The following FSTL4 variants were observed in gnomAD, a reference collection of about 807,000 sequenced individuals.
FSTL4 encodes follistatin-related protein 4.
A neutral mutation model predicts 78.2 loss-of-function variants in FSTL4; 28 were observed. That is an observed-to-expected ratio of 0.36 (90% confidence interval 0.27 to 0.49). FSTL4 has a LOEUF of 0.49. FSTL4 is among the 20% of genes least tolerant of loss of function. The pLI is 0.98. For synonymous variants in FSTL4, 422 were observed against 440.5 expected (o/e 0.96, Z 0.53); for missense variants, 922 against 1,084.9 (o/e 0.85, Z 2.11).
chr5:133,701,351 C>T, the FSTL4 span, among the ~76,000 whole-genome samples: 7 of 146,036 alleles, frequency 4.8e-5, no homozygotes, highest in Non-Finnish European at 8.9e-5. Flanking sequence ...TGCAGTGAGC[C>T]GAGATCACGC....
At chr5:133,494,271 T>C (rs1355437746) in intron 3 of FSTL4, among the ~76,000 whole-genome samples, 3 of 151,822 alleles carry the variant, frequency 2.0e-5, no homozygotes, top group Non-Finnish European at 2.9e-5. Context: ...GAGGACTTCA[T>C]GTGTGATGGT....
At chr5:133,533,916 G>GCTCCTCCTGCAGTGCTCCTCATCTACAT (rs1759303854) in intron 3 of FSTL4, among the ~76,000 whole-genome samples, 1 of 151,872 alleles carries the variant, frequency 6.6e-6, no homozygotes, top group Non-Finnish European at 1.5e-5. Context: ...CTGCTGCAGT[G>GCTCCTCCTGCAGTGCTCCTCATCTACAT]CTCCTCCTGC....
chr5:133,788,386 ATAG>A, the FSTL4 span, among the ~76,000 whole-genome samples: 1 of 152,236 alleles, frequency 6.6e-6, no homozygotes, highest in African/African-American at 2.4e-5. Context: ...GACCACTGTA[ATAG>A]TAGTACCTCC....
intron 6 of FSTL4, among the ~76,000 whole-genome samples, chr5:133,308,785 T>G (rs759239519): frequency 7.2e-5 from 11 of 152,152 alleles, no homozygotes; most frequent in Non-Finnish European, 1.3e-4. Flanking sequence ...AGCTTACACA[T>G]GTCAGAGGTG....
At chr5:133,411,908 A>T (rs537451273) in intron 3 of FSTL4, among the ~76,000 whole-genome samples, 2 of 152,192 alleles carry the variant, frequency 1.3e-5, no homozygotes, top group Admixed American at 6.5e-5. Flanking sequence ...TCCTCTCAAC[A>T]GTAGCAATAA....
At chr5:133,485,438 C>G (rs1220715965) in intron 3 of FSTL4, among the ~76,000 whole-genome samples, 1 of 152,184 alleles carries the variant, frequency 6.6e-6, no homozygotes, top group Non-Finnish European at 1.5e-5. Context: ...GTGTTGGCAA[C>G]AGCTGAATTT....
intron 2 of FSTL4, among the ~76,000 whole-genome samples, chr5:133,570,163 C>T (rs1314220750): frequency 1.3e-5 from 2 of 150,940 alleles, no homozygotes; most frequent in East Asian, 2.0e-4. Flanking sequence ...GAGCCGAGAT[C>T]GCGCCACTGC....
the FSTL4 span, among the ~76,000 whole-genome samples, chr5:133,840,798 C>T: frequency 1.3e-5 from 2 of 152,230 alleles, no homozygotes; most frequent in Admixed American, 6.5e-5. Flanking sequence ...ATAAATCACT[C>T]GCTTGTCAAT....
the FSTL4 span, among the ~76,000 whole-genome samples, chr5:133,687,228 G>T: frequency 6.6e-6 from 1 of 152,156 alleles, no homozygotes; most frequent in Non-Finnish European, 1.5e-5. Context: ...GGCATGGGTT[G>T]TATGGTAGGA....
chr5:133,800,163 G>T, the FSTL4 span, among the ~76,000 whole-genome samples: 1 of 138,900 alleles, frequency 7.2e-6, no homozygotes, highest in African/African-American at 2.6e-5. Context: ...TACAAAACAG[G>T]CTTATTTTGG....
Position 133,233,488 on chromosome 5 carries a change from T to A in FSTL4, c.944A>T (p.His315Leu). 11 of 1,614,232 alleles carry A rather than the reference T, an allele frequency of 6.8e-6. No individual in the cohort carries two copies. Among genetic ancestry groups the A allele is most frequent in the Non-Finnish European group, 9.3e-6 (11 of 1,180,016 alleles). ...SLYITKVTTIHMGNYTCHASG... is the reference protein window; with the variant it reads ...SLYITKVTTILMGNYTCHASG... The stretch of plus-strand genomic sequence containing the variant: ...AGCATGGCAGGTGTAATTGCCCATG[T>A]GGATGGTGGTCACCTTGGTGATGTA... The change falls in exon 8 of 16, where the codon CAC becomes CTC. Residue 315 changes from histidine to leucine, a missense_variant. Transcript: ENST00000265342.
In FSTL4 at chr5:133,449,464, C is replaced by T. The variant is rs535814172; in HGVS notation, c.161-48478G>A. Among the ~76,000 whole-genome samples, 20 of 152,306 alleles carry T rather than the reference C, an allele frequency of 1.3e-4. No homozygotes were observed. In the South Asian group the frequency reaches 2.9e-3, roughly 22 times the overall value. On this transcript the variant is annotated intron_variant, in intron 3 of 15. Transcript: ENST00000265342. ...AACCATGGCCAAATAGTCTAACACG[C>T]GCGGGCCTCTGAAAGGCAGGAGCTG...
chr5:133,583,213 C>T (rs797022731), intron 2 of FSTL4: 25 of 455,166 alleles, frequency 5.5e-5, no homozygotes, highest in Non-Finnish European at 9.7e-5. Flanking sequence ...TTCACAGTAA[C>T]CACAGTTGGT....
At chr5:133,531,946 G>A (rs57527568) in intron 3 of FSTL4, among the ~76,000 whole-genome samples, 39,709 of 151,890 alleles carry the variant, frequency 0.26, 5,315 homozygotes, top group East Asian at 0.33. Context: ...ATGGAATAAC[G>A]GCCCCACAGA....
the FSTL4 span, among the ~76,000 whole-genome samples, chr5:133,725,389 T>C: frequency 1.3e-5 from 2 of 152,208 alleles, no homozygotes; most frequent in South Asian, 4.1e-4. Flanking sequence ...ATTACCAGGA[T>C]GCAGTATTAT....
chr5:133,544,158 C>T (rs1759528243), intron 3 of FSTL4, among the ~76,000 whole-genome samples: 1 of 152,134 alleles, frequency 6.6e-6, no homozygotes, highest in South Asian at 2.1e-4. Flanking sequence ...AATATTCCCA[C>T]TTTTAATTAA....
At chr5:133,313,890 C>T (rs1456978257) in intron 5 of FSTL4, among the ~76,000 whole-genome samples, 1 of 152,144 alleles carries the variant, frequency 6.6e-6, no homozygotes, top group Non-Finnish European at 1.5e-5. Context: ...ACCTTTGATT[C>T]AGTGTCAAGG....
At chr5:133,269,201 A>G (rs1028475086) in intron 6 of FSTL4, among the ~76,000 whole-genome samples, 58 of 152,070 alleles carry the variant, frequency 3.8e-4, no homozygotes, top group African/African-American at 7.9e-4. Context: ...AAAAAAAAAA[A>G]AAAAGAAAGA....
chr5:133,545,572 C>T (rs1477859862), intron 3 of FSTL4, among the ~76,000 whole-genome samples: 4 of 152,138 alleles, frequency 2.6e-5, no homozygotes, highest in East Asian at 1.9e-4. Context: ...TTTCTTTATA[C>T]GTTACCCACT....
Sources: allele counts gnomAD v4.1 joint callset (sites outside exome capture counted in the v4.1 genomes callset), GRCh38; gene constraint gnomAD v4.1.1; transcripts MANE v1.5; gene names NCBI Gene and HGNC (gene_info 2026-07-23, HGNC 2026-07-21).